Variants in MS4A4A observed in about 807,000 individuals in gnomAD.
The protein encoded by MS4A4A is membrane spanning 4-domains A4A, also known as membrane-spanning 4-domains subfamily A member 4A.
In MS4A4A, 26 loss-of-function variants were observed where a neutral mutation model predicts 28.0. The ratio of observed to expected loss-of-function variants is 0.93; its 90% CI spans 0.68 to 1.29. MS4A4A has a LOEUF of 1.29. Ranked by LOEUF, MS4A4A falls within the 50% of genes most tolerant of loss-of-function variation. The pLI is 0.00. For missense variants in MS4A4A, 290 were observed against 293.1 expected (o/e 0.99, Z 0.08); for synonymous variants, 86 against 100.8 (o/e 0.85, Z 0.88).
chr11:60,296,550 G>T (rs772592689), intron 2 of MS4A4A, among the ~76,000 whole-genome samples: 3 of 151,858 alleles, frequency 2.0e-5, no homozygotes, highest in Admixed American at 6.6e-5. Flanking sequence ...GTTTCTTAAG[G>T]TAGACTCTCA....
At chr11:60,293,167 C>T (rs532622837) in intron 2 of MS4A4A, among the ~76,000 whole-genome samples, 1 of 152,124 alleles carries the variant, frequency 6.6e-6, no homozygotes, top group African/African-American at 2.4e-5. Context: ...AAGAGATTCT[C>T]CTGCCTCAGC....
chr11:60,287,405 CCTT>C (rs1554992243), intron 1 of MS4A4A, among the ~76,000 whole-genome samples: 3 of 152,124 alleles, frequency 2.0e-5, no homozygotes. Flanking sequence ...TGATAACTAA[CCTT>C]CTCCAAGGAT....
At chr11:60,304,721 T>C (rs1413175928) in intron 5 of MS4A4A, among the ~76,000 whole-genome samples, 1 of 152,270 alleles carries the variant, frequency 6.6e-6, no homozygotes, top group Non-Finnish European at 1.5e-5. Context: ...TTTCGTGTTA[T>C]AACAGCAGGT....
chr11:60,307,962 A>G, intron 6 of MS4A4A, 145 bp from the exon 7 acceptor site: 1 of 739,550 alleles, frequency 1.4e-6, no homozygotes, highest in South Asian at 1.7e-5. Context: ...CAAGAGAGTG[A>G]CTGAGAAACC....
chr11:60,300,918 C>A lies in MS4A4A; in HGVS notation c.331-83C>A, dbSNP rs996922093. On this transcript the variant is annotated intron_variant, in intron 3 of 6. Coordinates refer to ENST00000337908, the MANE Select transcript of MS4A4A (RefSeq NM_148975.3). ...TAATTGGTCTGATTAACATATCTAT[C>A]TAATTTAGAATTAAGTTTAGTAAGT... The A allele has an allele frequency of 5.2e-6, 5 of 961,370 alleles. No homozygotes were observed. In the East Asian group the frequency reaches 8.0e-5, roughly 15 times the overall value. The allele number at this position is 961,370 out of a possible 1,614,324, so 59.6% of individuals were successfully genotyped here.
chr11:60,305,605 A>G (rs2135034725), intron 5 of MS4A4A: 1 of 153,236 alleles, frequency 6.5e-6, no homozygotes, highest in East Asian at 1.9e-4. Flanking sequence ...AAATTCTCTT[A>G]TATCAGCTAA....
At position 60,292,228 on chromosome 11, in the gene MS4A4A, C is replaced by T. The variant is rs1213820877; in HGVS notation, c.45C>T (p.Thr15=). The change falls in exon 2 of 7, where the codon ACC becomes ACT. Residue 15 remains threonine (T), a synonymous_variant. Transcript: ENST00000337908. ...TAAATTACATTTCTTATTGTAGCAC[C>T]TTTTCTGCTGCCATGACAACCATGC... The part of the protein sequence containing the change: ...YSRHCRPEES[T]FSAAMTTMQG... 5 of 1,544,950 alleles carry T rather than the reference C, an allele frequency of 3.2e-6. No homozygotes were observed. Among genetic ancestry groups the T allele is most frequent in the South Asian group, 2.5e-5 (2 of 80,458 alleles).
At chr11:60,283,698 C>T (rs2084776962) in intron 1 of MS4A4A, among the ~76,000 whole-genome samples, 1 of 152,098 alleles carries the variant, frequency 6.6e-6, no homozygotes, top group Admixed American at 6.5e-5. Context: ...TTAAATTAAG[C>T]CCAGAGAAGG....
rs1328910753 is a variant in MS4A4A at position 60,308,953 on chromosome 11, A to C, written c.*775A>C. ...TTTGTTTTTATTGCAGAGCAAAAAT[A>C]AATCAAATTAGAAGCAATACTTTCA... On this transcript the variant is annotated 3_prime_UTR_variant, in exon 7 of 7. Transcript: ENST00000337908. 1 of 152,264 alleles carries C rather than the reference A, an allele frequency of 6.6e-6. No individual in the cohort carries two copies. The highest frequency in any genetic ancestry group is 1.5e-5 in the Non-Finnish European group (1 of 68,044). 9.4% of individuals were successfully genotyped at this position (152,264 alleles called of 1,614,324 possible). A position where few individuals can be genotyped will look rare whatever the true frequency, so the allele number is the denominator to read the frequency against.
chr11:60,306,207 T>C lies in MS4A4A; in HGVS notation c.648+6T>C, dbSNP rs573935495. 7.5e-6 allele frequency: 12 copies of C among 1,596,850 alleles called. No homozygotes were observed. In the Middle Eastern group the frequency reaches 6.6e-4, roughly 88 times the overall value. Reference sequence around the variant, plus strand: ...TCTGTTGTACCCCTGGTGGGGTGAGTATTGGCCTTCATTTGAAGATGACTG... The same window carrying C: ...TCTGTTGTACCCCTGGTGGGGTGAGCATTGGCCTTCATTTGAAGATGACTG... On this transcript the variant is annotated splice_donor_region_variant and intron_variant, in intron 6 of 6. Transcript: ENST00000337908.
chr11:60,300,587 G>A (rs2084943925), intron 3 of MS4A4A, among the ~76,000 whole-genome samples: 2 of 130,252 alleles, frequency 1.5e-5, no homozygotes, highest in African/African-American at 3.1e-5. Flanking sequence ...CTGCACTCCA[G>A]CCTGGGCGAC....
At chr11:60,280,843 C>A in intron 1 of MS4A4A, 127 bp downstream of exon 1, 1 of 1,157,148 alleles carries the variant, frequency 8.6e-7, no homozygotes, top group Non-Finnish European at 1.2e-6. Flanking sequence ...AGCTGGTATT[C>A]AGGGTTGGGG....
At chr11:60,281,836 A>G (rs1349964470) in intron 1 of MS4A4A, among the ~76,000 whole-genome samples, 1 of 152,172 alleles carries the variant, frequency 6.6e-6, no homozygotes. Flanking sequence ...TAAGAGCCTG[A>G]TGCATATAGG....
intron 2 of MS4A4A, among the ~76,000 whole-genome samples, chr11:60,294,065 A>G (rs1185472257): frequency 6.6e-6 from 1 of 152,256 alleles, no homozygotes; most frequent in Non-Finnish European, 1.5e-5. Context: ...GTCACTTTGA[A>G]GATTTCAATC....
rs1565150375 is a variant in MS4A4A at position 60,308,108 on chromosome 11, T to A, written c.650T>A (p.Val217Asp). 4 of 1,613,948 alleles carry A rather than the reference T, an allele frequency of 2.5e-6. No individual in the cohort carries two copies. Among genetic ancestry groups the A allele is most frequent in the Non-Finnish European group, 3.4e-6 (4 of 1,179,874 alleles). Residue 217 changes from valine (V) to aspartate (D), a missense_variant and splice_region_variant, in exon 7 of 7, where the codon GTT becomes GAT. Physicochemically the swap from Val to Asp is radical, Grantham distance 152 (BLOSUM62 -3). Transcript: ENST00000337908. ...CKVLCCTPGG[V>D]VLILPSHSHM... is the part of the protein sequence containing the mutation. ...TTTGGCATTCTGATTGTTTCACAGG[T>A]TGTGTTAATTCTGCCATCACATTCT...
At chr11:60,301,874 G>C (rs1056897327) in intron 4 of MS4A4A, among the ~76,000 whole-genome samples, 2 of 152,222 alleles carry the variant, frequency 1.3e-5, no homozygotes, top group Non-Finnish European at 2.9e-5. Context: ...CCGCTTCTCA[G>C]GTTCAAGTGA....
chr11:60,305,048 T>C (rs1337749742), intron 5 of MS4A4A, among the ~76,000 whole-genome samples: 1 of 152,166 alleles, frequency 6.6e-6, no homozygotes, highest in Non-Finnish European at 1.5e-5. Context: ...AGAGGGACTA[T>C]CCCTAACCAT....
chr11:60,295,795 G>T (rs1184967378), intron 2 of MS4A4A, among the ~76,000 whole-genome samples: 1 of 152,038 alleles, frequency 6.6e-6, no homozygotes, highest in Non-Finnish European at 1.5e-5. Context: ...ACATTAATCG[G>T]TTTTTTGAAT....
At chr11:60,304,585 G>C (rs1226219003) in intron 5 of MS4A4A, among the ~76,000 whole-genome samples, 1 of 152,162 alleles carries the variant, frequency 6.6e-6, no homozygotes, top group Non-Finnish European at 1.5e-5. Flanking sequence ...CAGTCCACAG[G>C]TCTATATACA....
Sources: allele counts gnomAD v4.1 joint callset (sites outside exome capture counted in the v4.1 genomes callset), GRCh38; gene constraint gnomAD v4.1.1; transcripts MANE v1.5; gene names NCBI Gene and HGNC (gene_info 2026-07-23, HGNC 2026-07-21).